Variants in RORB observed in about 807,000 individuals in gnomAD.
RORB encodes nuclear receptor ROR-beta.
In RORB, 6 loss-of-function variants were observed where a neutral mutation model predicts 59.1. That is an observed-to-expected ratio of 0.10 (90% CI 0.06 to 0.20). The LOEUF (loss-of-function observed/expected upper bound fraction) is 0.20, where lower values mean the gene tolerates loss of function less well. RORB is among the 10% of genes least tolerant of loss of function. The pLI is 1.00. For synonymous variants in RORB, 215 were observed against 204.5 expected (o/e 1.05, Z -0.44); for missense variants, 320 against 560.5 (o/e 0.57, Z 4.33).
intron 1 of RORB, among the ~76,000 whole-genome samples, chr9:74,575,532 A>G (rs1428402836): frequency 1.3e-5 from 2 of 152,142 alleles, no homozygotes; most frequent in Non-Finnish European, 2.9e-5. Flanking sequence ...GTTTTTATGG[A>G]TCACCTGCAA....
At chr9:74,547,002 G>A (rs1225526360) in intron 1 of RORB, among the ~76,000 whole-genome samples, 1 of 152,176 alleles carries the variant, frequency 6.6e-6, no homozygotes, top group Non-Finnish European at 1.5e-5. Context: ...GCTGAGGCAG[G>A]AGAATCTCTT....
At chr9:74,568,775 A>G (rs937300395) in intron 1 of RORB, among the ~76,000 whole-genome samples, 1 of 151,932 alleles carries the variant, frequency 6.6e-6, no homozygotes, top group African/African-American at 2.4e-5. Flanking sequence ...TTGAACTAGC[A>G]TTATCACCTA....
At chr9:74,684,792 G>T (rs1199848648) in intron 9 of RORB, among the ~76,000 whole-genome samples, 1 of 152,178 alleles carries the variant, frequency 6.6e-6, no homozygotes, top group Admixed American at 6.5e-5. Context: ...GGATTAGAGA[G>T]CCACTCTACA....
At chr9:74,555,933 G>A (rs1009335617) in intron 1 of RORB, among the ~76,000 whole-genome samples, 1 of 152,166 alleles carries the variant, frequency 6.6e-6, no homozygotes, top group Non-Finnish European at 1.5e-5. Context: ...AATTTAGGCA[G>A]TGTTCACATT....
At chr9:74,641,433 A>G (rs1727087302) in intron 3 of RORB, among the ~76,000 whole-genome samples, 1 of 152,226 alleles carries the variant, frequency 6.6e-6, no homozygotes. Flanking sequence ...GTAGAATGAG[A>G]AAAGATAGTT....
chr9:74,645,197 A>G (rs983781268), intron 4 of RORB, among the ~76,000 whole-genome samples: 2 of 152,160 alleles, frequency 1.3e-5, no homozygotes, highest in Admixed American at 6.6e-5. Flanking sequence ...TTCACATTTC[A>G]TTAAAACAGC....
At chr9:74,541,235 G>A (rs907441142) in intron 1 of RORB, among the ~76,000 whole-genome samples, 13 of 127,854 alleles carry the variant, frequency 1.0e-4, no homozygotes, top group Admixed American at 2.9e-4. Flanking sequence ...AGCCAAGATC[G>A]CGCCACTGCT....
intron 1 of RORB, among the ~76,000 whole-genome samples, chr9:74,579,247 T>G (rs921556714): frequency 6.6e-6 from 1 of 152,160 alleles, no homozygotes; most frequent in Non-Finnish European, 1.5e-5. Context: ...TAAATAGATA[T>G]TAAGTGCTGG....
intron 1 of RORB, among the ~76,000 whole-genome samples, chr9:74,507,941 G>A (rs1026055646): frequency 6.6e-6 from 1 of 151,500 alleles, no homozygotes; most frequent in Non-Finnish European, 1.5e-5. Context: ...ATATCGTTAA[G>A]GTACATCCTT....
At chr9:74,594,192 C>G (rs954582338) in intron 1 of RORB, among the ~76,000 whole-genome samples, 1 of 151,996 alleles carries the variant, frequency 6.6e-6, no homozygotes, top group Non-Finnish European at 1.5e-5. Context: ...GAACATTTAC[C>G]CTGATGAGCC....
chr9:74,590,879 C>T (rs530181235), intron 1 of RORB, among the ~76,000 whole-genome samples: 1 of 152,182 alleles, frequency 6.6e-6, no homozygotes, highest in South Asian at 2.1e-4. Context: ...TCACTGCAAC[C>T]TCTGCCTCCG....
intron 3 of RORB, among the ~76,000 whole-genome samples, chr9:74,635,276 T>C (rs936756451): frequency 6.6e-6 from 1 of 152,110 alleles, no homozygotes; most frequent in Non-Finnish European, 1.5e-5. Flanking sequence ...AATTGGACTA[T>C]CTGAGCCCAT....
intron 1 of RORB, among the ~76,000 whole-genome samples, chr9:74,607,384 C>T (rs535453014): frequency 2.0e-5 from 3 of 152,252 alleles, no homozygotes; most frequent in East Asian, 1.9e-4. Flanking sequence ...AGGATTGTAA[C>T]GGTGAGGCTT....
At chr9:74,583,331 C>T (rs1055724146) in intron 1 of RORB, among the ~76,000 whole-genome samples, 1 of 152,152 alleles carries the variant, frequency 6.6e-6, no homozygotes, top group Non-Finnish European at 1.5e-5. Flanking sequence ...AACACCCAAA[C>T]ATTTCCCACA....
chr9:74,500,158 A>G (rs2118007487), intron 1 of RORB, among the ~76,000 whole-genome samples: 1 of 152,240 alleles, frequency 6.6e-6, no homozygotes, highest in South Asian at 2.1e-4. Flanking sequence ...GACCCCTTAC[A>G]ACTTCTAACT....
chr9:74,667,950 T>C (rs1380574350), intron 8 of RORB, 49 bp downstream of exon 8: 3 of 1,142,238 alleles, frequency 2.6e-6, no homozygotes, highest in Non-Finnish European at 4.0e-6. Context: ...TGTTTTACTA[T>C]TTTTAACACT....
intron 1 of RORB, among the ~76,000 whole-genome samples, chr9:74,587,220 C>T (rs1314307987): frequency 6.6e-6 from 1 of 152,156 alleles, no homozygotes; most frequent in Non-Finnish European, 1.5e-5. Flanking sequence ...AGCTTTATTG[C>T]TCCCATCAGA....
At chr9:74,573,011 A>G (rs1822576519) in intron 1 of RORB, among the ~76,000 whole-genome samples, 1 of 152,224 alleles carries the variant, frequency 6.6e-6, no homozygotes. Flanking sequence ...TCTTCTTTGT[A>G]TTAAACTATT....
chr9:74,564,587 C>A (rs985193263), intron 1 of RORB, among the ~76,000 whole-genome samples: 5 of 152,294 alleles, frequency 3.3e-5, no homozygotes, highest in African/African-American at 1.2e-4. Context: ...TTTTCTTCCC[C>A]ATTTGCATTT....
Sources: gnomAD v4.1 joint callset for allele counts (sites outside exome capture counted in the v4.1 genomes callset) on GRCh38, gnomAD v4.1.1 for gene constraint, MANE v1.5 for transcripts, NCBI Gene and HGNC (gene_info 2026-07-23, HGNC 2026-07-21) for gene names.